Variants in KATNAL1 observed in about 807,000 individuals in gnomAD.
KATNAL1 encodes the protein katanin p60 ATPase-containing subunit A-like 1.
In KATNAL1, 32 loss-of-function variants were observed where a neutral mutation model predicts 55.2. The ratio of observed to expected loss-of-function variants is 0.58; its 90% CI spans 0.44 to 0.78. The LOEUF (loss-of-function observed/expected upper bound fraction) is 0.78. Ranked by LOEUF, KATNAL1 falls within the 30% of genes least tolerant of loss-of-function variation. KATNAL1 has a pLI of 0.00. For missense variants in KATNAL1, 466 were observed against 600.9 expected (o/e 0.78, Z 2.35); for synonymous variants, 193 against 193.6 (o/e 1.00, Z 0.02).
rs912879975 is a variant in KATNAL1, at chr13:30,277,780, G to A, written c.323+2283C>T. ...GGGCGGATCACGAGGTCAGGAGATC[G>A]AGACCATCCCGGCTAAAACGGTGAA... On this transcript the variant is annotated intron_variant, in intron 3 of 10. Coordinates refer to ENST00000380615, the MANE Select transcript of KATNAL1 (RefSeq NM_032116.5). Among the ~76,000 whole-genome samples the A allele has an allele frequency of 6.4e-4, 97 of 151,786 alleles. 1 individual carries two copies. Among genetic ancestry groups the A allele is most frequent in the African/African-American group, 2.2e-3 (91 of 41,430 alleles).
chr13:30,265,879 G>T (rs1324864531), intron 3 of KATNAL1, among the ~76,000 whole-genome samples: 2 of 151,416 alleles, frequency 1.3e-5, no homozygotes, highest in African/African-American at 4.8e-5. Flanking sequence ...AGGCATGGTG[G>T]CACGTGCCTA....
chr13:30,300,173 T>C (rs1027457885), intron 1 of KATNAL1, among the ~76,000 whole-genome samples: 2 of 152,262 alleles, frequency 1.3e-5, no homozygotes, highest in Non-Finnish European at 2.9e-5. Flanking sequence ...GTAATGGTTT[T>C]TGAAGAGGAA....
intron 1 of KATNAL1, among the ~76,000 whole-genome samples, chr13:30,288,368 T>A (rs1881929416): frequency 6.6e-6 from 1 of 152,192 alleles, no homozygotes; most frequent in African/African-American, 2.4e-5. Context: ...AATGGAAATT[T>A]CCTTGGCACT....
In KATNAL1 at chr13:30,203,356, A is replaced by G. The variant is rs1872844936; in HGVS notation, c.*5184T>C. 1 of 152,238 alleles carries G rather than the reference A, an allele frequency of 6.6e-6. No individual in the cohort carries two copies. The highest frequency in any genetic ancestry group is 2.4e-5 in the African/African-American group (1 of 41,462). The allele number at this position is 152,238 out of a possible 1,614,324, so 9.4% of individuals were successfully genotyped here. ...ATAGATGATGAACTGAATTTAATTC[A>G]ATTCATTCCTGCCTAAAACTAAGCC... is the stretch of plus-strand genomic sequence containing the variant. On this transcript the variant is annotated 3_prime_UTR_variant, in exon 11 of 11. Transcript: ENST00000380615.
chr13:30,243,188 C>A (rs551255947), intron 4 of KATNAL1, among the ~76,000 whole-genome samples: 5 of 152,038 alleles, frequency 3.3e-5, no homozygotes, highest in Non-Finnish European at 7.4e-5. Context: ...CTCATGAAAG[C>A]AAAATATTTT....
intron 3 of KATNAL1, among the ~76,000 whole-genome samples, chr13:30,264,843 T>C (rs368769056): frequency 0.082 from 10,720 of 130,002 alleles, 434 homozygotes; most frequent in Admixed American, 0.098. Context: ...GAACTAGAAA[T>C]ACCATTTGAC....
intron 3 of KATNAL1, among the ~76,000 whole-genome samples, chr13:30,261,355 T>A (rs1322828602): frequency 6.6e-6 from 1 of 151,508 alleles, no homozygotes; most frequent in Non-Finnish European, 1.5e-5. Flanking sequence ...CAGGATCAAA[T>A]TCACACATAA....
chr13:30,274,073 C>T (rs1880574753), intron 3 of KATNAL1, among the ~76,000 whole-genome samples: 1 of 152,158 alleles, frequency 6.6e-6, no homozygotes, highest in African/African-American at 2.4e-5. Context: ...CAGCATCCTA[C>T]AAAGCAATCT....
chr13:30,306,276 AC>A (rs780627645), intron 1 of KATNAL1, among the ~76,000 whole-genome samples: 6 of 152,224 alleles, frequency 3.9e-5, no homozygotes, highest in Non-Finnish European at 8.8e-5. Flanking sequence ...TAAAGAATTA[AC>A]TAAATAATTA....
chr13:30,283,157 A>T (rs1039562819), intron 2 of KATNAL1, among the ~76,000 whole-genome samples: 3 of 146,348 alleles, frequency 2.0e-5, no homozygotes, highest in Middle Eastern at 3.3e-3. Context: ...AGTCCCAGCT[A>T]CTCCGGAGGC....
In KATNAL1 at chr13:30,222,698, G is replaced by A. The variant is rs193144200; in HGVS notation, c.1147+4714C>T. 2.5e-4 allele frequency among the ~76,000 whole-genome samples: 38 copies of A among 152,216 alleles called. No homozygotes were observed. The East Asian group carries it at 5.0e-3, about 20-fold the overall frequency. ...ATTAGCCCAAAAGAAATTAGCAAGG[G>A]GGGTACAGAGAAACAAACAGTACAA... is the stretch of plus-strand genomic sequence containing the variant. On this transcript the variant is annotated intron_variant, in intron 9 of 10. Transcript: ENST00000380615.
At chr13:30,294,154 A>G (rs1367785477) in intron 1 of KATNAL1, among the ~76,000 whole-genome samples, 1 of 152,208 alleles carries the variant, frequency 6.6e-6, no homozygotes, top group East Asian at 1.9e-4. Context: ...TTCAAGTGAA[A>G]GGGAATAGTT....
intron 8 of KATNAL1, 72 bp from the exon 9 acceptor site, chr13:30,227,618 CT>C: frequency 1.3e-6 from 2 of 1,526,974 alleles, no homozygotes; most frequent in Non-Finnish European, 8.9e-7. Flanking sequence ...ATTAACATTT[CT>C]TTTAGCCAAA....
chr13:30,304,127 T>C (rs754555416), intron 1 of KATNAL1, among the ~76,000 whole-genome samples: 4 of 152,228 alleles, frequency 2.6e-5, no homozygotes, highest in African/African-American at 4.8e-5. Flanking sequence ...AGAAAATAAG[T>C]TGGAGACACA....
rs1488681354 is a variant in KATNAL1, at chr13:30,204,411, C to T, written c.*4129G>A. The stretch of plus-strand genomic sequence containing the variant: ...ACACAACATGAAATACTTGCCTAGT[C>T]CTTCATTTTATCTCAAGTTAGGGTG... On this transcript the variant is annotated 3_prime_UTR_variant, in exon 11 of 11. Transcript: ENST00000380615. 3 of 147,628 alleles carry T rather than the reference C, an allele frequency of 2.0e-5. No homozygotes were observed. Among genetic ancestry groups the T allele is most frequent in the African/African-American group, 7.4e-5 (3 of 40,798 alleles). 9.1% of individuals were successfully genotyped at this position (147,628 alleles called of 1,614,324 possible).
At chr13:30,223,651 G>T (rs1204192281) in intron 9 of KATNAL1, among the ~76,000 whole-genome samples, 4 of 152,010 alleles carry the variant, frequency 2.6e-5, no homozygotes, top group Admixed American at 2.6e-4. Flanking sequence ...CCGAGAAGAT[G>T]TAACAATGAT....
At chr13:30,270,829 T>G (rs1407398335) in intron 3 of KATNAL1, among the ~76,000 whole-genome samples, 1 of 151,088 alleles carries the variant, frequency 6.6e-6, no homozygotes. Flanking sequence ...TTCACTTGTT[T>G]ATCTGCTGAC....
chr13:30,275,252 C>T (rs7983319), intron 3 of KATNAL1, among the ~76,000 whole-genome samples: 2,623 of 152,256 alleles, frequency 0.017, 79 homozygotes, highest in African/African-American at 0.06. Flanking sequence ...GGGAAGCCAG[C>T]ATATCACATG....
At chr13:30,260,650 C>T (rs1390842512) in intron 3 of KATNAL1, among the ~76,000 whole-genome samples, 3 of 151,458 alleles carry the variant, frequency 2.0e-5, no homozygotes, top group Admixed American at 6.6e-5. Flanking sequence ...TGAAATGAAG[C>T]GAGAAGGGAA....
Sources: allele counts gnomAD v4.1 joint callset (sites outside exome capture counted in the v4.1 genomes callset), GRCh38; gene constraint gnomAD v4.1.1; transcripts MANE v1.5; gene names NCBI Gene and HGNC (gene_info 2026-07-23, HGNC 2026-07-21).